The following OXNAD1 variants were observed in gnomAD, a reference collection of about 807,000 sequenced individuals.
The protein encoded by OXNAD1 is oxidoreductase NAD-binding domain-containing protein 1.
In OXNAD1, 34 loss-of-function variants were observed where a neutral mutation model predicts 32.9. That is an observed-to-expected ratio of 1.03 (90% CI 0.79 to 1.38). OXNAD1 has a LOEUF of 1.38. OXNAD1 is among the 40% of genes most tolerant of loss of function. The pLI is 0.00. For synonymous variants in OXNAD1, 134 were observed against 135.2 expected, an observed-to-expected ratio of 0.99 and a Z score of 0.06; for missense variants, 407 against 379.4, an observed-to-expected ratio of 1.07 and a Z score of -0.60.
rs1036885363 is a variant in OXNAD1, at chr3:16,312,352, G to A, written c.*30+8760G>A. Among the ~76,000 whole-genome samples the A allele has an allele frequency of 1.3e-5, 2 of 152,064 alleles. No individual in the cohort carries two copies. The highest frequency in any genetic ancestry group is 6.5e-5 in the Admixed American group (1 of 15,270). On this transcript the variant is annotated intron_variant, in intron 9 of 9. Coordinates refer to the OXNAD1 transcript ENST00000435829. The surrounding 1 kb of genome is among the most constrained non-coding windows in gnomAD (Gnocchi z 4.7). Reference sequence around the variant, plus strand: ...TGCAGGCAGAGCACTAATCACCAGGGGCCCACCCTGCACTACTCACGCAGT... The same window carrying A: ...TGCAGGCAGAGCACTAATCACCAGGAGCCCACCCTGCACTACTCACGCAGT...
chr3:16,343,194 G>T (rs2071424425), intron 9 of OXNAD1, among the ~76,000 whole-genome samples: 1 of 152,066 alleles, frequency 6.6e-6, no homozygotes, highest in African/African-American at 2.4e-5. Context: ...GCAAGGTTTG[G>T]GAACCACTGC....
At position 16,269,220 on chromosome 3, in the gene OXNAD1, C is replaced by T. The variant is rs889363168; in HGVS notation, c.-64C>T. ...AGTGTAATAGCAGGACCAAAATATT[C>T]TGTCAATCAGCTGACCATATACTTA... On this transcript the variant is annotated 5_prime_UTR_variant, in exon 2 of 9. Transcript: ENST00000285083. 8 of 1,534,512 alleles carry T rather than the reference C, an allele frequency of 5.2e-6. No homozygotes were observed. The Admixed American group carries it at 1.2e-4, about 23-fold the overall frequency.
rs1189539273 is a variant in OXNAD1 at position 16,334,291 on chromosome 3, G to A, written c.*31-2821G>A. Among the ~76,000 whole-genome samples, 3 of 152,200 alleles carry A rather than the reference G, an allele frequency of 2.0e-5. No individual in the cohort carries two copies. Among genetic ancestry groups the A allele is most frequent in the East Asian group, 3.8e-4 (2 of 5,204 alleles). On this transcript the variant is annotated intron_variant, in intron 9 of 9. Transcript: ENST00000435829. The surrounding 1 kb of genome is among the most constrained non-coding windows in gnomAD (Gnocchi z 4.3). Reference sequence around the variant, plus strand: ...TGTTGCCAAGGCCGTGGGGAAGCATGCGTTCTTGTACATTGCTAGTGGAAG... The same window carrying A: ...TGTTGCCAAGGCCGTGGGGAAGCATACGTTCTTGTACATTGCTAGTGGAAG...
In OXNAD1 at chr3:16,345,788, C is replaced by CTGTGTGTGTGTGTGTG. The variant is rs370820242; in HGVS notation, c.*31-3373_*31-3358dup. Reference sequence around the variant, plus strand: ...TGAGCCAAAACCTTATAATAAATCTCTGTGTGTGTGTGTGTGTGTGTGTGT... The same window carrying CTGTGTGTGTGTGTGTG: ...TGAGCCAAAACCTTATAATAAATCTCTGTGTGTGTGTGTGTGTGTGTGTGTGTGTGTGTGTGTGTGT... On this transcript the variant is annotated intron_variant, in intron 9 of 9. Coordinates refer to the OXNAD1 transcript ENST00000606098. The surrounding 1 kb of genome is among the most constrained non-coding windows in gnomAD (Gnocchi z 5.2). Among the ~76,000 whole-genome samples, 314 of 127,198 alleles carry CTGTGTGTGTGTGTGTG rather than the reference C, an allele frequency of 2.5e-3. 1 individual carries two copies. Among genetic ancestry groups the CTGTGTGTGTGTGTGTG allele is most frequent in the African/African-American group, 6.3e-3 (207 of 33,090 alleles). 83.4% of individuals were successfully genotyped at this position (127,198 alleles called of 152,430 possible).
At chr3:16,323,435 G>C in intron 9 of OXNAD1, 1 of 1,612,518 alleles carries the variant, frequency 6.2e-7, no homozygotes, top group Non-Finnish European at 8.5e-7. Context: ...AAGACAATCT[G>C]CTTGGTGGAT....
At chr3:16,283,035 CATG>C (rs1472049046) in intron 4 of OXNAD1, among the ~76,000 whole-genome samples, 1 of 151,988 alleles carries the variant, frequency 6.6e-6, no homozygotes, top group African/African-American at 2.4e-5. Context: ...AAAGAAAAAA[CATG>C]AGCCAAATTT....
At chr3:16,313,051 CT>C (rs11325593) in intron 9 of OXNAD1, among the ~76,000 whole-genome samples, 34,845 of 145,030 alleles carry the variant, frequency 0.24, 5,557 homozygotes, top group African/African-American at 0.48. Flanking sequence ...CAAGATCCAT[CT>C]TTTTTTTTTT....
rs1276613454 is a variant in OXNAD1, at chr3:16,329,951, G to A, written c.*31-7161G>A. 2.6e-5 allele frequency among the ~76,000 whole-genome samples: 4 copies of A among 152,224 alleles called. No homozygotes were observed. The South Asian group carries it at 6.2e-4, about 24-fold the overall frequency. ...CAATGAACGACCCCTGCTGCAGCCC[G>A]ACCCGCCTGCTTAGACAGACTGCAA... On this transcript the variant is annotated intron_variant, in intron 9 of 9. Transcript: ENST00000435829. This position sits in a 1 kb window ranked among gnomAD's most constrained non-coding sequence, Gnocchi z 4.5.
In OXNAD1 at chr3:16,276,331, CT is replaced by C. The variant is rs1014500523; in HGVS notation, c.183+4611del. On this transcript the variant is annotated intron_variant, in intron 4 of 8. Transcript: ENST00000285083. ...CTTTTTTCTCATCTTCCAATTGTTT[CT>C]TCTGTGAATTTTTTTTTTTTTTAAG... 1.4e-4 allele frequency: 28 copies of C among 193,116 alleles called. 1 individual carries two copies. Among genetic ancestry groups the C allele is most frequent in the Non-Finnish European group, 2.9e-4 (27 of 92,560 alleles). The allele number at this position is 193,116 out of a possible 1,614,324, so 12.0% of individuals were successfully genotyped here.
chr3:16,331,271 T>A (rs771067150), intron 9 of OXNAD1, among the ~76,000 whole-genome samples: 1 of 152,260 alleles, frequency 6.6e-6, no homozygotes, highest in African/African-American at 2.4e-5. Context: ...AGGGTGTGCT[T>A]ATACTACTCT....
At chr3:16,276,951 CTCTT>C (rs2065379861) in intron 4 of OXNAD1, among the ~76,000 whole-genome samples, 1 of 139,296 alleles carries the variant, frequency 7.2e-6, no homozygotes, top group Non-Finnish European at 1.5e-5. Context: ...GAGACAGAGT[CTCTT>C]TCTTGTTGCA....
intron 6 of OXNAD1, among the ~76,000 whole-genome samples, chr3:16,295,446 CCTCT>C (rs1341951053): frequency 6.6e-6 from 1 of 152,064 alleles, no homozygotes; most frequent in African/African-American, 2.4e-5. Context: ...GGTGCCATTG[CCTCT>C]CTATTTCAGT....
At position 16,314,994 on chromosome 3, in the gene OXNAD1, G is replaced by GC. The variant is rs1158116377; in HGVS notation, c.*30+11404dup. ...AATAGTTGTCTTCTCTTTGAACAGG[G>GC]CCTTCAACCTCTTTAAGCTCTGAGG... is the stretch of plus-strand genomic sequence containing the variant. On this transcript the variant is annotated intron_variant, in intron 9 of 9. Coordinates refer to the OXNAD1 transcript ENST00000435829. The surrounding 1 kb of genome is among the most constrained non-coding windows in gnomAD (Gnocchi z 4.4). 6.6e-6 allele frequency: 1 copy of GC among 152,236 alleles called. No homozygotes were observed. Among genetic ancestry groups the GC allele is most frequent in the African/African-American group, 2.4e-5 (1 of 41,454 alleles). 9.4% of individuals were successfully genotyped at this position (152,236 alleles called of 1,614,324 possible).
At chr3:16,338,390 C>T (rs547155196), downstream of OXNAD1, among the ~76,000 whole-genome samples, 17 of 152,352 alleles carry the variant, frequency 1.1e-4, no homozygotes, top group Non-Finnish European at 2.2e-4. This position sits in a 1 kb window ranked among gnomAD's most constrained non-coding sequence, Gnocchi z 5.3. Context: ...GGGACAGGCA[C>T]TGCAGTTCTG....
At position 16,316,910 on chromosome 3, in the gene OXNAD1, G is replaced by C; in HGVS notation, c.*30+13318G>C. On this transcript the variant is annotated intron_variant, in intron 9 of 9. Coordinates refer to the OXNAD1 transcript ENST00000435829. The surrounding 1 kb of genome is among the most constrained non-coding windows in gnomAD (Gnocchi z 4.5). ...ATCCTCTCCAGGATTGGAGTGCCCA[G>C]TGCAAATCCCCACCAGGGCCCTGCT... The C allele has an allele frequency of 6.2e-7, 1 of 1,614,140 alleles. No individual in the cohort carries two copies. The highest frequency in any genetic ancestry group is 8.5e-7 in the Non-Finnish European group (1 of 1,180,024).
At chr3:16,352,017 A>C (rs1339359969), downstream of OXNAD1, among the ~76,000 whole-genome samples, 1 of 152,266 alleles carries the variant, frequency 6.6e-6, no homozygotes, top group East Asian at 1.9e-4. The surrounding 1 kb of genome is among the most constrained non-coding windows in gnomAD (Gnocchi z 4.6). Flanking sequence ...CTACTTCAGC[A>C]GACACTCAAC....
At position 16,303,330 on chromosome 3, in the gene OXNAD1, GA is replaced by G; in HGVS notation, c.785-76del. On this transcript the variant is annotated intron_variant, in intron 8 of 8. Transcript: ENST00000285083. The surrounding 1 kb of genome is among the most constrained non-coding windows in gnomAD (Gnocchi z 4.8). Reference sequence around the variant, plus strand: ...GAACTTGGAAATAAACACTGTATCTGAATTGTGGTTAGTCCTTCCTCATTTG... The same window carrying G: ...GAACTTGGAAATAAACACTGTATCTGATTGTGGTTAGTCCTTCCTCATTTG... 1 of 1,495,158 alleles carries G rather than the reference GA, an allele frequency of 6.7e-7. No homozygotes were observed. The highest frequency in any genetic ancestry group is 9.2e-7 in the Non-Finnish European group (1 of 1,087,666). 92.6% of individuals were successfully genotyped at this position (1,495,158 alleles called of 1,614,324 possible). A position where few individuals can be genotyped will look rare whatever the true frequency, so the allele number is the denominator to read the frequency against.
chr3:16,328,462 C>A (rs969687017), intron 9 of OXNAD1, among the ~76,000 whole-genome samples: 7 of 152,254 alleles, frequency 4.6e-5, no homozygotes, highest in African/African-American at 1.4e-4. Context: ...CCTGCCCTGT[C>A]TCTTCAAATG....
At position 16,280,134 on chromosome 3, in the gene OXNAD1, A is replaced by G. The variant is rs9813083; in HGVS notation, c.184-6208A>G. On this transcript the variant is annotated intron_variant, in intron 4 of 8. Transcript: ENST00000285083. This position sits in a 1 kb window ranked among gnomAD's most constrained non-coding sequence, Gnocchi z 4.5. ...TATGTAAAGTGCCTGACATATGGTA[A>G]GGATGTCTATAAGTGTTTGCTGCTG... Among the ~76,000 whole-genome samples the G allele has an allele frequency of 0.14, 21,461 of 152,130 alleles. 1,630 individuals carry two copies. The highest frequency in any genetic ancestry group is 0.18 in the African/African-American group (7,452 of 41,476).
Sources: gnomAD v4.1 joint callset for allele counts (sites outside exome capture counted in the v4.1 genomes callset) on GRCh38, gnomAD v4.1.1 for gene constraint, Gnocchi (gnomAD v3.1) non-coding constraint, MANE v1.5 for transcripts, NCBI Gene and HGNC (gene_info 2026-07-23, HGNC 2026-07-21) for gene names.